The following R3HCC1L variants were observed in gnomAD, a reference collection of about 807,000 sequenced individuals.
R3HCC1L encodes the protein R3H domain and coiled-coil containing 1 like, also known as coiled-coil domain-containing protein R3HCC1L.
A neutral mutation model predicts 59.9 loss-of-function variants in R3HCC1L; 51 were observed. That is an observed-to-expected ratio of 0.85 (90% confidence interval 0.68 to 1.07). R3HCC1L has a LOEUF of 1.07. Ranked by LOEUF, R3HCC1L falls within the 50% of genes least tolerant of loss-of-function variation. The pLI is 0.00. For missense variants in R3HCC1L, 965 were observed against 933.0 expected, an observed-to-expected ratio of 1.03 and a Z score of -0.45; for synonymous variants, 322 against 315.2, an observed-to-expected ratio of 1.02 and a Z score of -0.23.
Position 98,165,025 on chromosome 10 carries a change from C to T in R3HCC1L, c.-15+1628C>T, listed in dbSNP as rs1847798217. On this transcript the variant is annotated intron_variant, in intron 4 of 9. Transcript: ENST00000298999. Reference sequence around the variant, plus strand: ...CCGTAATCCCAGCACTTTGGGAGGCCCAGGTGGGCAGATCACTTGAGGCCA... The same window carrying T: ...CCGTAATCCCAGCACTTTGGGAGGCTCAGGTGGGCAGATCACTTGAGGCCA... Among the ~76,000 whole-genome samples, 4 of 152,086 alleles carry T rather than the reference C, an allele frequency of 2.6e-5. No homozygotes were observed. In the South Asian group the frequency reaches 8.3e-4, roughly 32 times the overall value.
intron 1 of R3HCC1L, among the ~76,000 whole-genome samples, chr10:98,135,486 A>T (rs1844469292): frequency 6.6e-6 from 1 of 152,186 alleles, no homozygotes. Flanking sequence ...TTGAACTCTA[A>T]AGTATGTTTC....
chr10:98,217,106 T>G (rs1434658843), intron 5 of R3HCC1L, among the ~76,000 whole-genome samples: 1 of 152,206 alleles, frequency 6.6e-6, no homozygotes, highest in Non-Finnish European at 1.5e-5. Flanking sequence ...TTTACTAGAA[T>G]AAGGTATTAG....
chr10:98,229,923 G>T (rs1262034471), intron 5 of R3HCC1L, among the ~76,000 whole-genome samples: 2 of 152,190 alleles, frequency 1.3e-5, no homozygotes, highest in African/African-American at 4.8e-5. Flanking sequence ...GCATCCCAGG[G>T]ATGAAGCCAA....
At chr10:98,186,413 A>C in intron 4 of R3HCC1L, 1 of 686,850 alleles carries the variant, frequency 1.5e-6, no homozygotes, top group Non-Finnish European at 1.8e-6. Context: ...TAGCTGTTCC[A>C]TGTAGAGAGA....
intron 4 of R3HCC1L, among the ~76,000 whole-genome samples, chr10:98,180,606 C>G (rs1453545189): frequency 2.0e-5 from 3 of 152,088 alleles, no homozygotes; most frequent in Non-Finnish European, 4.4e-5. Context: ...GAGTTCAAGT[C>G]CTGGATATCC....
At chr10:98,198,973 A>G (rs1230510751) in intron 4 of R3HCC1L, among the ~76,000 whole-genome samples, 1 of 152,180 alleles carries the variant, frequency 6.6e-6, no homozygotes, top group African/African-American at 2.4e-5. Context: ...GTTAATTTTA[A>G]TGTTTTATTT....
intron 4 of R3HCC1L, among the ~76,000 whole-genome samples, chr10:98,200,266 C>T (rs1186758213): frequency 4.6e-5 from 7 of 151,986 alleles, no homozygotes; most frequent in Non-Finnish European, 1.0e-4. Flanking sequence ...TGAGTATTTA[C>T]AGCAATAGGC....
intron 5 of R3HCC1L, among the ~76,000 whole-genome samples, chr10:98,223,682 G>C (rs1475774608): frequency 6.6e-6 from 1 of 152,046 alleles, no homozygotes; most frequent in Admixed American, 6.6e-5. Context: ...GGCTTAGGCT[G>C]TGGTGGTTAG....
chr10:98,141,791 A>C (rs1043484234), intron 1 of R3HCC1L, among the ~76,000 whole-genome samples: 4 of 152,218 alleles, frequency 2.6e-5, no homozygotes. Flanking sequence ...AGAGAGAACC[A>C]GGTGGAAACT....
chr10:98,198,434 A>AT (rs1357283860), intron 4 of R3HCC1L, among the ~76,000 whole-genome samples: 1 of 152,082 alleles, frequency 6.6e-6, no homozygotes, highest in East Asian at 1.9e-4. Context: ...GAGAAGAAAG[A>AT]ATACTCTTGA....
At position 98,207,979 on chromosome 10, in the gene R3HCC1L, C is replaced by T. The variant is rs1295023583; in HGVS notation, c.-14-122C>T. 4.2e-5 allele frequency: 38 copies of T among 898,686 alleles called. No individual in the cohort carries two copies. In the South Asian group the frequency reaches 4.6e-4, roughly 11 times the overall value. The allele number at this position is 898,686 out of a possible 1,614,324, so 55.7% of individuals were successfully genotyped here. ...GGCAGAGGTTACAGTGAGCTGAGATCGCTCCACTGTACTCTAGCCTGGGTG... is the reference window on the plus strand; with the variant it reads ...GGCAGAGGTTACAGTGAGCTGAGATTGCTCCACTGTACTCTAGCCTGGGTG... On this transcript the variant is annotated intron_variant, in intron 4 of 9. Coordinates refer to ENST00000298999, the MANE Select transcript of R3HCC1L (RefSeq NM_001351015.2).
At chr10:98,182,162 G>A (rs1001979894) in intron 4 of R3HCC1L, among the ~76,000 whole-genome samples, 2 of 152,076 alleles carry the variant, frequency 1.3e-5, no homozygotes, top group Admixed American at 6.5e-5. Context: ...ATCTACCTCC[G>A]GTCTTTGATG....
intron 4 of R3HCC1L, among the ~76,000 whole-genome samples, chr10:98,187,561 T>C (rs1335385469): frequency 6.6e-6 from 1 of 152,052 alleles, no homozygotes; most frequent in African/African-American, 2.4e-5. Flanking sequence ...GTAGGTTTTT[T>C]GGATGGGGAG....
intron 4 of R3HCC1L, among the ~76,000 whole-genome samples, chr10:98,167,113 A>G (rs528096200): frequency 1.3e-5 from 2 of 148,258 alleles, no homozygotes; most frequent in Admixed American, 6.8e-5. Flanking sequence ...TCATAAGAAT[A>G]CTAGATAAGA....
chr10:98,205,046 G>A (rs780588070), intron 4 of R3HCC1L, among the ~76,000 whole-genome samples: 2 of 152,070 alleles, frequency 1.3e-5, no homozygotes, highest in Non-Finnish European at 2.9e-5. Context: ...AGACCTGATT[G>A]TTAAAATTTT....
chr10:98,183,958 G>GTTTTTTTTTTTTTTTTTTTTTTTTTTTT (rs71007380), intron 4 of R3HCC1L, among the ~76,000 whole-genome samples: 10 of 126,568 alleles, frequency 7.9e-5, no homozygotes, highest in South Asian at 2.4e-4. Context: ...TCCTTTTTCG[G>GTTTTTTTTTTTTTTTTTTTTTTTTTTTT]TTTTTTTTTT....
chr10:98,214,459 C>G (rs1010165005), intron 5 of R3HCC1L, among the ~76,000 whole-genome samples: 1 of 152,018 alleles, frequency 6.6e-6, no homozygotes, highest in Non-Finnish European at 1.5e-5. Context: ...AAGAGAAAAA[C>G]AGAAATGAAG....
At position 98,234,429 on chromosome 10, in the gene R3HCC1L, G is replaced by GT. The variant is rs1430729009; in HGVS notation, c.1962-10dup. The GT allele has an allele frequency of 2.0e-5, 32 of 1,605,702 alleles. No individual in the cohort carries two copies. Among genetic ancestry groups the GT allele is most frequent in the East Asian group, 4.5e-5 (2 of 44,796 alleles). ...AAATTTTATTTTAGGAAATAAAATTGTTTTTTTGTGTTGCAGAAAGAAAGG... is the reference window on the plus strand; with the variant it reads ...AAATTTTATTTTAGGAAATAAAATTGTTTTTTTTGTGTTGCAGAAAGAAAGG... On this transcript the variant is annotated splice_polypyrimidine_tract_variant and intron_variant, in intron 6 of 9. Coordinates refer to ENST00000298999, the MANE Select transcript of R3HCC1L (RefSeq NM_001351015.2).
chr10:98,179,457 C>T (rs536714634), intron 4 of R3HCC1L, among the ~76,000 whole-genome samples: 28 of 152,092 alleles, frequency 1.8e-4, no homozygotes, highest in South Asian at 4.2e-4. Flanking sequence ...CTGCTGGATT[C>T]GGTTTGCCGG....
Sources: allele counts gnomAD v4.1 joint callset (sites outside exome capture counted in the v4.1 genomes callset), GRCh38; gene constraint gnomAD v4.1.1; transcripts MANE v1.5; gene names NCBI Gene and HGNC (gene_info 2026-07-23, HGNC 2026-07-21).